Variants in TCF20 observed in about 807,000 individuals in gnomAD.
The protein encoded by TCF20 is transcription factor 20.
A neutral mutation model predicts 148.6 loss-of-function variants in TCF20; 3 were observed. The ratio of observed to expected loss-of-function variants is 0.02; its 90% CI spans 0.01 to 0.05. The LOEUF (loss-of-function observed/expected upper bound fraction) is 0.05, where lower values mean the gene tolerates loss of function less well. Ranked by LOEUF, TCF20 falls within the 10% of genes least tolerant of loss-of-function variation. The pLI, the probability that TCF20 is intolerant of heterozygous loss-of-function variation, is 1.00. For synonymous variants in TCF20, 1,049 were observed against 909.5 expected, an observed-to-expected ratio of 1.15 and a Z score of -2.76; for missense variants, 2,350 against 2,429.3, an observed-to-expected ratio of 0.97 and a Z score of 0.69.
At position 42,213,183 on chromosome 22, in the gene TCF20, C is replaced by T. The variant is rs559481079; in HGVS notation, c.2123G>A (p.Ser708Asn). Residue 708 changes from serine to asparagine, a missense_variant, in exon 2 of 6, where the codon AGT (serine) becomes AAT (asparagine). By Grantham distance (46) the Ser-to-Asn change is conservative (BLOSUM62 1). Around this residue, in one of 7 missense-constraint regions of TCF20, gnomAD observed 1,641 missense variants for 1,662.6 expected, o/e 0.99. Transcript: ENST00000677622. ...PSKSPGSLRY[S>N]YKDSFGSAVP... ...GGCTGACCCGAAACTATCTTTGTAA[C>T]TATAGCGCAGACTTCCAGGAGATTT... is the stretch of plus-strand genomic sequence containing the variant. 7 of 1,614,122 alleles carry T rather than the reference C, an allele frequency of 4.3e-6. No individual in the cohort carries two copies. Among genetic ancestry groups the T allele is most frequent in the African/African-American group, 1.3e-5 (1 of 74,938 alleles).
At chr22:42,253,231 A>C (rs1925519978) in intron 1 of TCF20, among the ~76,000 whole-genome samples, 1 of 152,220 alleles carries the variant, frequency 6.6e-6, no homozygotes, top group South Asian at 2.1e-4. Flanking sequence ...CTAATTTGCT[A>C]ATGAAATCAG....
intron 1 of TCF20, among the ~76,000 whole-genome samples, chr22:42,295,411 C>A (rs1466392743): frequency 6.6e-6 from 1 of 152,016 alleles, no homozygotes; most frequent in Non-Finnish European, 1.5e-5. Flanking sequence ...TGTCCCCCTC[C>A]CTGAGATGCT....
intron 1 of TCF20, among the ~76,000 whole-genome samples, chr22:42,307,409 C>T (rs549291246): frequency 1.3e-5 from 2 of 152,190 alleles, no homozygotes; most frequent in Admixed American, 6.5e-5. Flanking sequence ...CCCCCTGCCC[C>T]GCCTACTCTG....
chr22:42,168,553 A>T (rs1935925678), intron 5 of TCF20, 56 bp downstream of exon 5: 1 of 1,533,354 alleles, frequency 6.5e-7, no homozygotes, highest in Non-Finnish European at 8.7e-7. Flanking sequence ...GGGCAGAGGC[A>T]ACGACGCCTG....
intron 1 of TCF20, among the ~76,000 whole-genome samples, chr22:42,282,463 G>T (rs893077485): frequency 1.5e-4 from 23 of 152,222 alleles, no homozygotes; most frequent in South Asian, 2.1e-4. Flanking sequence ...AACAGCCCCT[G>T]GCTGCAGAGC....
rs73887961 is a variant in TCF20 at position 42,168,177 on chromosome 22, T to C, written c.*44+432A>G. Among the ~76,000 whole-genome samples, 1,482 of 152,300 alleles carry C rather than the reference T, an allele frequency of 9.7e-3. 24 individuals are homozygous for C. Among genetic ancestry groups the C allele is most frequent in the African/African-American group, 0.034 (1,404 of 41,546 alleles). ...AACAAAACCCAAGAGTTCTGTTGTT[T>C]TCAAAGGAAAACACACCATAAGCTT... On this transcript the variant is annotated intron_variant, in intron 5 of 5. Coordinates refer to ENST00000677622, the MANE Select transcript of TCF20 (RefSeq NM_001378418.1).
intron 1 of TCF20, among the ~76,000 whole-genome samples, chr22:42,229,384 T>C (rs1245306923): frequency 6.6e-6 from 1 of 152,220 alleles, no homozygotes; most frequent in Non-Finnish European, 1.5e-5. Flanking sequence ...AACGGCAGGA[T>C]ATCCAGTCTG....
At chr22:42,197,726 T>C (rs1219255305) in intron 2 of TCF20, among the ~76,000 whole-genome samples, 1 of 152,172 alleles carries the variant, frequency 6.6e-6, no homozygotes, top group African/African-American at 2.4e-5. Context: ...ATTCAGGCTA[T>C]GAGAAATAGG....
upstream of TCF20, among the ~76,000 whole-genome samples, chr22:42,270,719 A>AGGGCGCGCGGCGGGGCG (rs1201773857): frequency 1.1e-3 from 32 of 28,878 alleles, no homozygotes; most frequent in African/African-American, 1.9e-3. Flanking sequence ...GGCGGGCGGG[A>AGGGCGCGCGGCGGGGCG]GGGCGCGCGG....
chr22:42,190,593 T>A (rs1465464636), intron 2 of TCF20, among the ~76,000 whole-genome samples: 2 of 152,226 alleles, frequency 1.3e-5, no homozygotes, highest in Non-Finnish European at 2.9e-5. Context: ...TGTGCTTGTC[T>A]GCAAGGCTAT....
intron 1 of TCF20, among the ~76,000 whole-genome samples, chr22:42,330,557 C>G (rs1927955785): frequency 6.6e-6 from 1 of 152,226 alleles, no homozygotes; most frequent in African/African-American, 2.4e-5. Flanking sequence ...AGACTGAAAA[C>G]TCCACGAATG....
At chr22:42,224,246 C>T (rs1050862727) in intron 1 of TCF20, among the ~76,000 whole-genome samples, 9 of 151,750 alleles carry the variant, frequency 5.9e-5, no homozygotes, top group African/African-American at 9.7e-5. Context: ...CCGAGGTGGG[C>T]GGATAACGAG....
rs1446375899 is a variant in TCF20 at position 42,317,718 on chromosome 22, C to T, written c.-37+25761G>A. On this transcript the variant is annotated intron_variant, in intron 1 of 1. Transcript: ENST00000515426. This position sits in a 1 kb window ranked among gnomAD's most constrained non-coding sequence, Gnocchi z 4.2. ...GTGGGGGTTCTGTGGGCCTTTCCCA[C>T]GGTCCAGCAGTGGGGAGGGTGGAAG... 3.3e-5 allele frequency among the ~76,000 whole-genome samples: 5 copies of T among 152,146 alleles called. No homozygotes were observed. Among genetic ancestry groups the T allele is most frequent in the Non-Finnish European group, 5.9e-5 (4 of 68,016 alleles).
chr22:42,286,254 G>A (rs1195116365), upstream of TCF20, among the ~76,000 whole-genome samples: 1 of 152,098 alleles, frequency 6.6e-6, no homozygotes, highest in Non-Finnish European at 1.5e-5. Flanking sequence ...TCTGCCCCTT[G>A]TCCTCTGATC....
chr22:42,215,470 T>A (rs1178743985), intron 1 of TCF20, 129 bp from the exon 2 acceptor site: 1 of 1,291,562 alleles, frequency 7.7e-7, no homozygotes, highest in East Asian at 2.6e-5. Context: ...AATTTCTATT[T>A]TTTTTTTTTG....
At chr22:42,221,029 G>A (rs375225561) in intron 1 of TCF20, among the ~76,000 whole-genome samples, 5 of 152,058 alleles carry the variant, frequency 3.3e-5, no homozygotes, top group Admixed American at 6.6e-5. Flanking sequence ...ACTCAGCATC[G>A]TGACCACCCT....
chr22:42,268,192 T>C (rs1450471057), intron 1 of TCF20, among the ~76,000 whole-genome samples: 3 of 152,144 alleles, frequency 2.0e-5, no homozygotes, highest in Non-Finnish European at 4.4e-5. Flanking sequence ...AATTAAATAA[T>C]ATATAAAAAT....
At chr22:42,255,666 C>T (rs1435147854) in intron 1 of TCF20, among the ~76,000 whole-genome samples, 1 of 152,104 alleles carries the variant, frequency 6.6e-6, no homozygotes, top group East Asian at 1.9e-4. Context: ...TTTACAGATC[C>T]TTCTTATGCA....
chr22:42,295,668 A>C (rs1021526012), intron 1 of TCF20, among the ~76,000 whole-genome samples: 5 of 151,778 alleles, frequency 3.3e-5, no homozygotes, highest in African/African-American at 9.7e-5. Context: ...TCGAACTCCT[A>C]ACCTCAAGTG....
Sources: gnomAD v4.1 joint callset for allele counts (sites outside exome capture counted in the v4.1 genomes callset) on GRCh38, gnomAD v4.1.1 for gene constraint, gnomAD v4.1.1 regional missense constraint, Gnocchi (gnomAD v3.1) non-coding constraint, MANE v1.5 for transcripts, NCBI Gene and HGNC (gene_info 2026-07-23, HGNC 2026-07-21) for gene names.